The following ZNF407 variants were observed in gnomAD, a reference collection of about 807,000 sequenced individuals.
ZNF407 encodes the protein zinc finger protein 407.
ZNF407 carries 17 observed loss-of-function variants against 131.2 expected under a neutral mutation model. The observed-to-expected ratio is 0.13, with a 90% CI of 0.09 to 0.19. The LOEUF is 0.19. ZNF407 is among the 10% of genes least tolerant of loss of function. The pLI, the probability that ZNF407 is intolerant of heterozygous loss-of-function variation, is 1.00. For missense variants in ZNF407, 2,681 were observed against 2,830.6 expected (o/e 0.95, Z 1.20); for synonymous variants, 1,156 against 1,062.0 (o/e 1.09, Z -1.72).
At chr18:74,956,167 C>T (rs758638229) in intron 8 of ZNF407, among the ~76,000 whole-genome samples, 5 of 152,126 alleles carry the variant, frequency 3.3e-5, no homozygotes, top group Non-Finnish European at 5.9e-5. Flanking sequence ...CAGTTATAGA[C>T]GTTCATTGTT....
chr18:74,795,863 C>T (rs920444526), intron 4 of ZNF407, among the ~76,000 whole-genome samples: 3 of 152,236 alleles, frequency 2.0e-5, no homozygotes, highest in Non-Finnish European at 2.9e-5. Flanking sequence ...ATAAAAGTCA[C>T]ATGCAAAAGC....
At chr18:74,734,137 G>A (rs1356173767) in intron 3 of ZNF407, among the ~76,000 whole-genome samples, 2 of 152,066 alleles carry the variant, frequency 1.3e-5, no homozygotes, top group African/African-American at 2.4e-5. Flanking sequence ...CGTGTTCGAC[G>A]CTCCGTGAGG....
chr18:74,992,125 G>C (rs1972725783), intron 8 of ZNF407, among the ~76,000 whole-genome samples: 1 of 152,198 alleles, frequency 6.6e-6, no homozygotes, highest in Non-Finnish European at 1.5e-5. Context: ...GCTGAAGCCA[G>C]CTGCTGTTCT....
intron 4 of ZNF407, among the ~76,000 whole-genome samples, chr18:74,869,283 T>A (rs1971054737): frequency 6.6e-6 from 1 of 152,210 alleles, no homozygotes; most frequent in Non-Finnish European, 1.5e-5. Context: ...GCAATAAAAT[T>A]TCATTTAGCT....
At chr18:75,003,050 G>T (rs1414778039) in intron 8 of ZNF407, among the ~76,000 whole-genome samples, 4 of 152,044 alleles carry the variant, frequency 2.6e-5, no homozygotes, top group Non-Finnish European at 5.9e-5. Context: ...ATTCTGTTTT[G>T]TTTATATCTG....
chr18:74,753,287 A>G (rs1489458607), intron 3 of ZNF407, among the ~76,000 whole-genome samples: 1 of 152,206 alleles, frequency 6.6e-6, no homozygotes, highest in Non-Finnish European at 1.5e-5. Flanking sequence ...CTAAATATAC[A>G]ATCATGTCAT....
chr18:74,750,171 A>G (rs1042923208), intron 3 of ZNF407, among the ~76,000 whole-genome samples: 2 of 152,092 alleles, frequency 1.3e-5, no homozygotes, highest in African/African-American at 4.8e-5. Flanking sequence ...TGTACATTTT[A>G]CTTCTTCTTT....
At chr18:75,034,023 A>G (rs1973276087) in intron 8 of ZNF407, among the ~76,000 whole-genome samples, 2 of 152,202 alleles carry the variant, frequency 1.3e-5, no homozygotes, top group African/African-American at 2.4e-5. Context: ...CGTATTTTCC[A>G]TAATCCTGAT....
At chr18:74,763,189 TTAGGACC>T (rs1969136826) in intron 3 of ZNF407, among the ~76,000 whole-genome samples, 1 of 121,672 alleles carries the variant, frequency 8.2e-6, no homozygotes, top group African/African-American at 3.1e-5. Context: ...GAGCATCTTC[TTAGGACC>T]TTTTTTTTTT....
At chr18:74,979,287 C>G (rs1414643411) in intron 8 of ZNF407, among the ~76,000 whole-genome samples, 1 of 152,124 alleles carries the variant, frequency 6.6e-6, no homozygotes, top group African/African-American at 2.4e-5. Context: ...AAGCTACAAA[C>G]TAGGTATCTG....
At chr18:74,885,789 A>G (rs1394573428) in intron 6 of ZNF407, among the ~76,000 whole-genome samples, 1 of 152,196 alleles carries the variant, frequency 6.6e-6, no homozygotes, top group Non-Finnish European at 1.5e-5. Context: ...TTTGACCCAT[A>G]CTTTGTACCG....
intron 6 of ZNF407, among the ~76,000 whole-genome samples, chr18:74,886,645 A>G (rs1971313937): frequency 6.6e-6 from 1 of 152,212 alleles, no homozygotes; most frequent in Non-Finnish European, 1.5e-5. Flanking sequence ...AGTCCAGACA[A>G]TAGAGAATTC....
chr18:75,049,117 GGA>G, intron 8 of ZNF407, among the ~76,000 whole-genome samples: 1 of 143,684 alleles, frequency 7.0e-6, no homozygotes, highest in African/African-American at 2.6e-5. Flanking sequence ...GGGGGGTGGG[GGA>G]GTTGTTCGTC....
intron 8 of ZNF407, among the ~76,000 whole-genome samples, chr18:75,011,120 G>A (rs1045420327): frequency 2.6e-5 from 4 of 152,118 alleles, no homozygotes; most frequent in South Asian, 2.1e-4. Flanking sequence ...CTCTTGGCTT[G>A]TGTTTAGTTT....
At chr18:74,689,415 C>G (rs551883140) in intron 3 of ZNF407, among the ~76,000 whole-genome samples, 3 of 152,100 alleles carry the variant, frequency 2.0e-5, no homozygotes, top group African/African-American at 4.8e-5. Flanking sequence ...TGTTAGCTTG[C>G]GAAGAGTCAT....
chr18:74,838,755 C>G (rs1393683851), intron 4 of ZNF407, among the ~76,000 whole-genome samples: 1 of 152,126 alleles, frequency 6.6e-6, no homozygotes, highest in Non-Finnish European at 1.5e-5. Flanking sequence ...CTCAGTGAAC[C>G]AAATGAGTAT....
intron 1 of ZNF407, among the ~76,000 whole-genome samples, chr18:74,608,250 A>G (rs1599124915): frequency 6.6e-6 from 1 of 152,154 alleles, no homozygotes; most frequent in Non-Finnish European, 1.5e-5. Flanking sequence ...CAATGGTTCC[A>G]TTGATATCCT....
chr18:74,706,656 C>G (rs1967630484), intron 3 of ZNF407, among the ~76,000 whole-genome samples: 2 of 152,124 alleles, frequency 1.3e-5, no homozygotes, highest in African/African-American at 4.8e-5. Context: ...GAGAGAATGT[C>G]AGGATGTGAT....
chr18:74,760,177 G>A (rs1419216607), intron 3 of ZNF407, among the ~76,000 whole-genome samples: 1 of 152,088 alleles, frequency 6.6e-6, no homozygotes, highest in Non-Finnish European at 1.5e-5. Context: ...TGCTTACTTT[G>A]AAAAGTGGAA....
Sources: allele counts gnomAD v4.1 joint callset (sites outside exome capture counted in the v4.1 genomes callset), GRCh38; gene constraint gnomAD v4.1.1; transcripts MANE v1.5; gene names NCBI Gene and HGNC (gene_info 2026-07-23, HGNC 2026-07-21).